CCBE1: variants seen among roughly 807,000 people sequenced by gnomAD.
CCBE1 encodes collagen and calcium binding EGF domains 1, also known as collagen and calcium-binding EGF domain-containing protein 1.
A neutral mutation model predicts 50.0 loss-of-function variants in CCBE1; 37 were observed. The ratio of observed to expected loss-of-function variants is 0.74; its 90% CI spans 0.57 to 0.97. The LOEUF is 0.97. Ranked by LOEUF, CCBE1 falls within the 50% of genes least tolerant of loss-of-function variation. CCBE1 has a pLI of 0.00. For missense variants in CCBE1, 538 were observed against 523.8 expected, an observed-to-expected ratio of 1.03 and a Z score of -0.26; for synonymous variants, 234 against 203.7, an observed-to-expected ratio of 1.15 and a Z score of -1.27.
chr18:59,439,327 T>C (rs1443453318), intron 9 of CCBE1, among the ~76,000 whole-genome samples: 3 of 149,838 alleles, frequency 2.0e-5, no homozygotes, highest in Non-Finnish European at 3.0e-5. Context: ...TAGCCGGGAG[T>C]GGTGGTGCAC....
At chr18:59,598,022 A>G (rs952926981) in intron 2 of CCBE1, among the ~76,000 whole-genome samples, 18 of 152,238 alleles carry the variant, frequency 1.2e-4, no homozygotes, top group African/African-American at 4.1e-4. Flanking sequence ...CTAGAGACAG[A>G]AAAGAGAAAG....
intron 2 of CCBE1, among the ~76,000 whole-genome samples, chr18:59,642,444 A>C (rs1232280073): frequency 1.3e-5 from 2 of 152,130 alleles, no homozygotes; most frequent in Non-Finnish European, 2.9e-5. Context: ...TCCCCCCTCC[A>C]TGACTGTGTA....
At chr18:59,670,252 A>G (rs1004891515) in intron 2 of CCBE1, among the ~76,000 whole-genome samples, 7 of 152,204 alleles carry the variant, frequency 4.6e-5, no homozygotes, top group Non-Finnish European at 1.0e-4. Flanking sequence ...TGTGGTTTTC[A>G]TTACAATTTT....
intron 2 of CCBE1, among the ~76,000 whole-genome samples, chr18:59,584,150 C>A (rs935963708): frequency 1.3e-5 from 2 of 152,018 alleles, no homozygotes; most frequent in Admixed American, 1.3e-4. Context: ...CAAATATACA[C>A]CATGGAATAC....
Position 59,439,674 on chromosome 18 carries a change from G to A in CCBE1, c.915+3C>T. 6.2e-7 allele frequency: 1 copy of A among 1,614,200 alleles called. No individual in the cohort carries two copies. Among genetic ancestry groups the A allele is most frequent in the Non-Finnish European group, 8.5e-7 (1 of 1,180,032 alleles). On this transcript the variant is annotated splice_donor_region_variant and intron_variant, in intron 8 of 10. Coordinates refer to ENST00000439986, the MANE Select transcript of CCBE1 (RefSeq NM_133459.4). ...GGAAGTGGATCTCTGATAAGATACT[G>A]ACCACAGGGCCCCTCCGGCCTTGCT...
intron 2 of CCBE1, among the ~76,000 whole-genome samples, chr18:59,669,691 G>A (rs1178512107): frequency 6.6e-6 from 1 of 152,200 alleles, no homozygotes; most frequent in African/African-American, 2.4e-5. Context: ...ATGAAGTGCT[G>A]GAGATGACTT....
rs138917236 is a variant in CCBE1 at position 59,569,675 on chromosome 18, G to A, written c.213-89437C>T. ...AGACAGGGTCTTGCTCTGTGGCTCA[G>A]GATAGAGTACAGCAGCACAATCAAT... On this transcript the variant is annotated intron_variant, in intron 2 of 10. Coordinates refer to ENST00000439986, the MANE Select transcript of CCBE1 (RefSeq NM_133459.4). 1.6e-3 allele frequency among the ~76,000 whole-genome samples: 241 copies of A among 150,280 alleles called. 2 individuals carry two copies. The highest frequency in any genetic ancestry group is 4.6e-3 in the Admixed American group (70 of 15,118).
intron 2 of CCBE1, among the ~76,000 whole-genome samples, chr18:59,624,454 T>C (rs868155601): frequency 8.5e-5 from 13 of 152,236 alleles, no homozygotes; most frequent in Admixed American, 8.5e-4. Context: ...AATATATTTG[T>C]GATTGTTGGA....
At chr18:59,454,000 G>A (rs1032978636) in intron 6 of CCBE1, among the ~76,000 whole-genome samples, 2 of 152,090 alleles carry the variant, frequency 1.3e-5, no homozygotes, top group African/African-American at 4.8e-5. Flanking sequence ...CTCATCCTTG[G>A]TGACACAAAG....
Position 59,510,816 on chromosome 18 carries a change from G to A in CCBE1, c.213-30578C>T, listed in dbSNP as rs138869049. ...TTTTCCTGATTATTGTATATTGCAT[G>A]CATGCATAAAGAAACATAGACTAGT... On this transcript the variant is annotated intron_variant, in intron 2 of 10. Coordinates refer to ENST00000439986, the MANE Select transcript of CCBE1 (RefSeq NM_133459.4). Among the ~76,000 whole-genome samples the A allele has an allele frequency of 1.6e-4, 24 of 152,302 alleles. No homozygotes were observed. The East Asian group carries it at 4.6e-3, about 29-fold the overall frequency.
intron 2 of CCBE1, among the ~76,000 whole-genome samples, chr18:59,615,942 A>G (rs2053631547): frequency 1.3e-5 from 2 of 152,210 alleles, no homozygotes; most frequent in Admixed American, 1.3e-4. Context: ...ACTTTAAAAA[A>G]TCCTACTACC....
rs1474468930 is a variant in CCBE1 at position 59,483,959 on chromosome 18, T to C, written c.213-3721A>G. 2.6e-5 allele frequency among the ~76,000 whole-genome samples: 4 copies of C among 152,166 alleles called. No individual in the cohort carries two copies. The East Asian group carries it at 5.8e-4, about 22-fold the overall frequency. ...CCAATATGAATGATGTGTGGCAGTG[T>C]CCAGAGTGCTCTTATTAGACATAAT... On this transcript the variant is annotated intron_variant, in intron 2 of 10. Coordinates refer to ENST00000439986, the MANE Select transcript of CCBE1 (RefSeq NM_133459.4).
chr18:59,478,040 G>A (rs554168675), intron 3 of CCBE1, among the ~76,000 whole-genome samples: 1 of 152,228 alleles, frequency 6.6e-6, no homozygotes, highest in East Asian at 1.9e-4. Flanking sequence ...TAATGCGGGT[G>A]GGCCTCATCC....
At chr18:59,482,980 G>A (rs1411189660) in intron 2 of CCBE1, among the ~76,000 whole-genome samples, 1 of 152,014 alleles carries the variant, frequency 6.6e-6, no homozygotes, top group Non-Finnish European at 1.5e-5. Flanking sequence ...GTTTGGGCAT[G>A]CTTTCTAGGA....
chr18:59,451,860 G>C (rs182548477), intron 6 of CCBE1, among the ~76,000 whole-genome samples: 1 of 152,126 alleles, frequency 6.6e-6, no homozygotes. Context: ...CAATCCAACA[G>C]AACTTTGCCA....
intron 2 of CCBE1, among the ~76,000 whole-genome samples, chr18:59,498,514 T>A (rs541499720): frequency 6.6e-6 from 1 of 152,360 alleles, no homozygotes; most frequent in South Asian, 2.1e-4. Flanking sequence ...CTATGCATTT[T>A]ATGGAATTAG....
At chr18:59,470,354 G>A (rs1354252147) in intron 3 of CCBE1, among the ~76,000 whole-genome samples, 1 of 152,084 alleles carries the variant, frequency 6.6e-6, no homozygotes, top group Non-Finnish European at 1.5e-5. Flanking sequence ...CATCCCACCA[G>A]GTCCCTCCCA....
intron 2 of CCBE1, among the ~76,000 whole-genome samples, chr18:59,549,959 G>A (rs1010798954): frequency 1.3e-5 from 2 of 152,318 alleles, no homozygotes; most frequent in Non-Finnish European, 2.9e-5. Context: ...AGGACCTTGT[G>A]CCAGATGGTT....
intron 5 of CCBE1, among the ~76,000 whole-genome samples, chr18:59,463,421 C>A (rs1188535103): frequency 6.6e-6 from 1 of 152,228 alleles, no homozygotes; most frequent in Non-Finnish European, 1.5e-5. Context: ...TGACTTACAG[C>A]CACCGCCAGG....
Sources: allele counts gnomAD v4.1 joint callset (sites outside exome capture counted in the v4.1 genomes callset), GRCh38; gene constraint gnomAD v4.1.1; transcripts MANE v1.5; gene names NCBI Gene and HGNC (gene_info 2026-07-23, HGNC 2026-07-21).